NUP210L: variants seen among roughly 807,000 people sequenced by gnomAD.
NUP210L encodes nuclear pore membrane glycoprotein 210-like.
Under a neutral mutation model 208.5 loss-of-function variants are expected in NUP210L, and 74 were observed. The ratio of observed to expected loss-of-function variants is 0.35; its 90% CI spans 0.29 to 0.43. NUP210L has a LOEUF of 0.43. Ranked by LOEUF, NUP210L falls within the 20% of genes least tolerant of loss-of-function variation. The probability of loss-of-function intolerance (pLI) is 1.00; values close to 1 mark genes in which losing one functional copy is unlikely to be tolerated. For synonymous variants in NUP210L, 780 were observed against 816.9 expected (o/e 0.95, Z 0.77); for missense variants, 1,843 against 2,289.4 (o/e 0.81, Z 3.98).
At chr1:154,111,079 A>T (rs962492127) in intron 12 of NUP210L, among the ~76,000 whole-genome samples, 2 of 149,840 alleles carry the variant, frequency 1.3e-5, no homozygotes, top group Non-Finnish European at 3.0e-5. Flanking sequence ...AGAGAGAGAG[A>T]TGACCCAAAT....
At chr1:154,013,070 C>CAA (rs745411682) in intron 33 of NUP210L, among the ~76,000 whole-genome samples, 1 of 133,904 alleles carries the variant, frequency 7.5e-6, no homozygotes, top group Non-Finnish European at 1.6e-5. Context: ...AGCGAGACTC[C>CAA]AAAAAAAAAA....
Position 154,080,539 on chromosome 1 carries a change from C to G in NUP210L, c.2361+8882G>C, listed in dbSNP as rs180885545. ...TCTACCAAACATACCAAAAAATTTC[C>G]CAAGCACGGTGGCGTGCACCTGTAG... On this transcript the variant is annotated intron_variant, in intron 16 of 39. Transcript: ENST00000368559. 1.5e-3 allele frequency among the ~76,000 whole-genome samples: 231 copies of G among 150,766 alleles called. 2 individuals are homozygous for G. The highest frequency in any genetic ancestry group is 5.5e-3 in the African/African-American group (224 of 40,980).
At chr1:154,080,835 G>T (rs1209653569) in intron 16 of NUP210L, among the ~76,000 whole-genome samples, 1 of 151,946 alleles carries the variant, frequency 6.6e-6, no homozygotes, top group Non-Finnish European at 1.5e-5. Context: ...AGCTGGGCAT[G>T]GTGGCATGTG....
At chr1:154,042,727 CT>C (rs57621544) in intron 27 of NUP210L, among the ~76,000 whole-genome samples, 21,684 of 149,446 alleles carry the variant, frequency 0.15, 2,642 homozygotes, top group African/African-American at 0.32. Context: ...CGCGCCTGGC[CT>C]TTTTTTTCTT....
intron 32 of NUP210L, among the ~76,000 whole-genome samples, chr1:154,019,693 G>A (rs1651451012): frequency 6.6e-6 from 1 of 152,076 alleles, no homozygotes; most frequent in African/African-American, 2.4e-5. Context: ...TTGAGAGGCC[G>A]AGGCTGGAGG....
intron 16 of NUP210L, among the ~76,000 whole-genome samples, chr1:154,085,444 A>G (rs1282919618): frequency 6.6e-6 from 1 of 152,162 alleles, no homozygotes; most frequent in Non-Finnish European, 1.5e-5. Context: ...TAATGAGTGT[A>G]AAACTTGTAT....
chr1:154,114,958 T>C (rs1557986461), intron 12 of NUP210L, among the ~76,000 whole-genome samples: 1 of 152,184 alleles, frequency 6.6e-6, no homozygotes, highest in Non-Finnish European at 1.5e-5. Flanking sequence ...TCTCTGTGGC[T>C]TTAAATGTTT....
intron 2 of NUP210L, among the ~76,000 whole-genome samples, chr1:154,148,182 G>C (rs989905635): frequency 2.0e-5 from 3 of 151,220 alleles, no homozygotes; most frequent in Admixed American, 2.0e-4. Context: ...CAGGAGAATC[G>C]CTTGAACCCG....
intron 17 of NUP210L, among the ~76,000 whole-genome samples, chr1:154,062,555 CTT>C (rs1220716525): frequency 3.6e-5 from 5 of 137,536 alleles, no homozygotes; most frequent in Non-Finnish European, 3.1e-5. Context: ...CTTTCTCTCT[CTT>C]TTCTTTTTCC....
At position 154,006,946 on chromosome 1, in the gene NUP210L, G is replaced by A. The variant is rs9427317; in HGVS notation, c.4930+3026C>T. On this transcript the variant is annotated intron_variant, in intron 35 of 39. Coordinates refer to ENST00000368559, the Ensembl canonical transcript of NUP210L. Reference sequence around the variant, plus strand: ...TATGTCTGTGTGTGTGTGTGTGTGTGTATATATATATATATATATATTTTT... The same window carrying A: ...TATGTCTGTGTGTGTGTGTGTGTGTATATATATATATATATATATATTTTT... 5.9e-3 allele frequency among the ~76,000 whole-genome samples: 566 copies of A among 95,400 alleles called. 6 individuals carry two copies. Among genetic ancestry groups the A allele is most frequent in the African/African-American group, 0.016 (399 of 25,452 alleles). 62.6% of individuals were successfully genotyped at this position (95,400 alleles called of 152,430 possible).
In NUP210L at chr1:154,056,951, C is replaced by CA. The variant is rs754469984; in HGVS notation, c.3108-5dup. ...TTCGTCCTGTTGCTCCATTGGTCTG[C>CA]AAAAACCCATGTATTTTCAGGTGAG... On this transcript the variant is annotated splice_polypyrimidine_tract_variant and splice_region_variant and intron_variant, in intron 22 of 39. Transcript: ENST00000368559. 7.8e-5 allele frequency: 125 copies of CA among 1,606,338 alleles called. No individual in the cohort carries two copies. Among genetic ancestry groups the CA allele is most frequent in the Non-Finnish European group, 1.1e-4 (124 of 1,177,680 alleles).
At chr1:154,018,656 C>T (rs919263003) in intron 33 of NUP210L, among the ~76,000 whole-genome samples, 3 of 152,124 alleles carry the variant, frequency 2.0e-5, no homozygotes, top group African/African-American at 4.8e-5. Flanking sequence ...CCTGGATTAC[C>T]GCAGTAGACT....
rs1653283850 is a variant in NUP210L, at chr1:154,048,021, C to A, written c.3484-1652G>T. Among the ~76,000 whole-genome samples, 4 of 152,236 alleles carry A rather than the reference C, an allele frequency of 2.6e-5. No homozygotes were observed. The South Asian group carries it at 8.3e-4, about 32-fold the overall frequency. ...GGTAACAATGGAACAAGTGTGGGCT[C>A]TAGTTTGTTCCACCTTGGAACATTT... On this transcript the variant is annotated intron_variant, in intron 25 of 39. Transcript: ENST00000368559.
intron 27 of NUP210L, among the ~76,000 whole-genome samples, chr1:154,037,837 C>T (rs1043151840): frequency 1.3e-5 from 2 of 151,972 alleles, no homozygotes; most frequent in African/African-American, 4.8e-5. Context: ...AGGCTTGTCT[C>T]GAACTCCTGG....
At chr1:153,998,634 A>G (rs1650036521) in intron 37 of NUP210L, among the ~76,000 whole-genome samples, 1 of 148,152 alleles carries the variant, frequency 6.7e-6, no homozygotes, top group African/African-American at 2.5e-5. Flanking sequence ...CTATCTATGG[A>G]CCTTTGTGGG....
At chr1:154,091,535 C>G (rs1418783209) in intron 15 of NUP210L, among the ~76,000 whole-genome samples, 1 of 132,978 alleles carries the variant, frequency 7.5e-6, no homozygotes, top group Non-Finnish European at 1.6e-5. Context: ...GACTTTTGCT[C>G]TATTGTCCAG....
At chr1:154,006,818 A>ATATATATATATATATATATATATATG (rs1650553549) in intron 35 of NUP210L, among the ~76,000 whole-genome samples, 2 of 90,400 alleles carry the variant, frequency 2.2e-5, no homozygotes, top group African/African-American at 1.3e-4. Flanking sequence ...TTACCATGCC[A>ATATATATATATATATATATATATATG]TATATATATA....
At position 154,146,918 on chromosome 1, in the gene NUP210L, G is replaced by C. The variant is rs537548987; in HGVS notation, c.341-3341C>G. Among the ~76,000 whole-genome samples the C allele has an allele frequency of 2.0e-5, 3 of 152,114 alleles. No individual in the cohort carries two copies. The East Asian group carries it at 5.8e-4, about 29-fold the overall frequency. ...AGCTCACTGCAGCCTCGAACTCCTG[G>C]GCTCAAGTGATCCTCCCACCTCAGC... On this transcript the variant is annotated intron_variant, in intron 2 of 39. Transcript: ENST00000368559.
intron 7 of NUP210L, among the ~76,000 whole-genome samples, chr1:154,131,457 C>T (rs913106859): frequency 6.6e-6 from 1 of 151,972 alleles, no homozygotes; most frequent in Non-Finnish European, 1.5e-5. Context: ...TTTCTGTTGC[C>T]TCTCAGAAAA....
Sources: allele counts gnomAD v4.1 joint callset (sites outside exome capture counted in the v4.1 genomes callset), GRCh38; gene constraint gnomAD v4.1.1; transcripts MANE v1.5; gene names NCBI Gene and HGNC (gene_info 2026-07-23, HGNC 2026-07-21).